TOP3A: variants seen among roughly 807,000 people sequenced by gnomAD.
The protein encoded by TOP3A is DNA topoisomerase 3-alpha.
Under a neutral mutation model 111.3 loss-of-function variants are expected in TOP3A, and 64 were observed. The ratio of observed to expected loss-of-function variants is 0.57; its 90% confidence interval spans 0.47 to 0.71. The LOEUF (loss-of-function observed/expected upper bound fraction) is 0.71. TOP3A is among the 30% of genes least tolerant of loss of function. The probability of loss-of-function intolerance (pLI) is 0.00; values close to 1 mark genes in which losing one functional copy is unlikely to be tolerated. For missense variants in TOP3A, 1,104 were observed against 1,285.0 expected (o/e 0.86, Z 2.15); for synonymous variants, 484 against 485.1 (o/e 1.00, Z 0.03).
intron 4 of TOP3A, among the ~76,000 whole-genome samples, chr17:18,305,629 G>C (rs954242964): frequency 1.3e-5 from 2 of 152,012 alleles, no homozygotes; most frequent in Non-Finnish European, 1.5e-5. Flanking sequence ...ACGAGGTCAG[G>C]AGATCGAGAC....
chr17:18,271,700 C>T lies in TOP3A; in HGVS notation c.*3102G>A, dbSNP rs1408198937. The T allele has an allele frequency of 5.2e-6, 2 of 385,866 alleles. No individual in the cohort carries two copies. Among genetic ancestry groups the T allele is most frequent in the Non-Finnish European group, 1.0e-5 (2 of 197,386 alleles). The allele number at this position is 385,866 out of a possible 1,614,324, so 23.9% of individuals were successfully genotyped here. On this transcript the variant is annotated 3_prime_UTR_variant, in exon 19 of 19. Transcript: ENST00000321105. Reference sequence around the variant, plus strand: ...TGCAGAGATGTGAAAACCACAAAGGCATCTGATATCCAGAAACTATTAAGA... The same window carrying T: ...TGCAGAGATGTGAAAACCACAAAGGTATCTGATATCCAGAAACTATTAAGA...
chr17:18,292,377 G>T (rs571840112), intron 11 of TOP3A, among the ~76,000 whole-genome samples: 154 of 152,320 alleles, frequency 1.0e-3, no homozygotes, highest in Admixed American at 5.0e-3. Flanking sequence ...GGAGGTGGGG[G>T]TCTGCACAGG....
intron 16 of TOP3A, among the ~76,000 whole-genome samples, chr17:18,281,134 C>T (rs1203151707): frequency 1.3e-5 from 2 of 152,202 alleles, no homozygotes; most frequent in Non-Finnish European, 2.9e-5. Context: ...CACCCACTGC[C>T]CATCCATCCC....
rs4925158 is a variant in TOP3A at position 18,280,760 on chromosome 17, T to C, written c.2022-102A>G. 2.5e-3 allele frequency: 3,399 copies of C among 1,350,218 alleles called. 16 individuals carry two copies. The highest frequency in any genetic ancestry group is 4.6e-3 in the Middle Eastern group (25 of 5,478). The allele number at this position is 1,350,218 out of a possible 1,614,324, so 83.6% of individuals were successfully genotyped here. A position where few individuals can be genotyped will look rare whatever the true frequency, so the allele number is the denominator to read the frequency against. ...TTTCCTCAGCTGCCCGAGGACAACATTCCCTTTTCTGGATGACACTTAACT... is the reference window on the plus strand; with the variant it reads ...TTTCCTCAGCTGCCCGAGGACAACACTCCCTTTTCTGGATGACACTTAACT... On this transcript the variant is annotated intron_variant, in intron 16 of 18. Coordinates refer to ENST00000321105, the MANE Select transcript of TOP3A (RefSeq NM_004618.5).
rs551400943 is a variant in TOP3A, at chr17:18,297,722, G to A, written c.990+1837C>T. ...TTGCAGACGGAGTCTCGTTCACTCC[G>A]TGCTCAATGGTGCCCAGGCTGGAGT... On this transcript the variant is annotated intron_variant, in intron 9 of 18. Transcript: ENST00000321105. Among the ~76,000 whole-genome samples, 418 of 152,162 alleles carry A rather than the reference G, an allele frequency of 2.7e-3. 5 individuals carry two copies. Among genetic ancestry groups the A allele is most frequent in the African/African-American group, 9.4e-3 (388 of 41,482 alleles).
chr17:18,281,162 C>T (rs1366971437), intron 16 of TOP3A, among the ~76,000 whole-genome samples: 1 of 152,202 alleles, frequency 6.6e-6, no homozygotes, highest in Non-Finnish European at 1.5e-5. Flanking sequence ...TCTCTCCTGG[C>T]CAATGTTTTT....
chr17:18,296,851 AG>A (rs1410390760), intron 9 of TOP3A, among the ~76,000 whole-genome samples: 9 of 152,224 alleles, frequency 5.9e-5, no homozygotes, highest in Non-Finnish European at 1.2e-4. Flanking sequence ...ATGTTCTGTC[AG>A]GGTGGCTCTT....
intron 11 of TOP3A, among the ~76,000 whole-genome samples, chr17:18,291,441 CAA>C: frequency 6.6e-6 from 1 of 152,306 alleles, no homozygotes; most frequent in African/African-American, 2.4e-5. Context: ...ATTAGGTAAT[CAA>C]TGATTTAGTG....
intron 17 of TOP3A, 136 bp downstream of exon 17, chr17:18,280,400 G>C: frequency 1.0e-6 from 1 of 976,502 alleles, no homozygotes; most frequent in Middle Eastern, 3.4e-4. Flanking sequence ...TGCTGAACTG[G>C]CTGCTGCAGA....
intron 1 of TOP3A, among the ~76,000 whole-genome samples, chr17:18,309,631 G>A (rs532788197): frequency 6.6e-6 from 1 of 151,574 alleles, no homozygotes; most frequent in Non-Finnish European, 1.5e-5. Context: ...GTGACAGAGC[G>A]AGACTGTCTC....
At chr17:18,287,269 CAGG>C (rs1238763067) in intron 13 of TOP3A, among the ~76,000 whole-genome samples, 1 of 151,590 alleles carries the variant, frequency 6.6e-6, no homozygotes, top group Non-Finnish European at 1.5e-5. Flanking sequence ...CATGGTGGCT[CAGG>C]CCTATAATCC....
In TOP3A at chr17:18,272,350, C is replaced by T. The variant is rs1979047030; in HGVS notation, c.*2452G>A. 1.3e-5 allele frequency among the ~76,000 whole-genome samples: 2 copies of T among 152,290 alleles called. No individual in the cohort carries two copies. Among genetic ancestry groups the T allele is most frequent in the South Asian group, 4.1e-4 (2 of 4,830 alleles). On this transcript the variant is annotated 3_prime_UTR_variant, in exon 19 of 19. Transcript: ENST00000321105. ...GCTGGTGGGTGTAAAGTGGTGCATC[C>T]ACTGTGGAAAATTTGTAGGTTCCTC...
intron 4 of TOP3A, among the ~76,000 whole-genome samples, chr17:18,305,556 C>T (rs1048933603): frequency 3.3e-5 from 5 of 152,152 alleles, no homozygotes; most frequent in East Asian, 1.9e-4. Context: ...AAAACGAAGC[C>T]GGCTGGGCGT....
At chr17:18,301,860 T>C in intron 8 of TOP3A, 25 bp downstream of exon 8, 1 of 1,596,242 alleles carries the variant, frequency 6.3e-7, no homozygotes, top group Non-Finnish European at 8.6e-7. Context: ...TGCAGAATGT[T>C]TCCTAGATCA....
intron 13 of TOP3A, among the ~76,000 whole-genome samples, chr17:18,288,151 ATTTTTTT>A (rs1295233051): frequency 3.9e-5 from 5 of 126,622 alleles, no homozygotes; most frequent in Non-Finnish European, 8.5e-5. Flanking sequence ...ATATATATAA[ATTTTTTT>A]TTTTTTTTTT....
Position 18,290,581 on chromosome 17 carries a change from C to A in TOP3A, c.1573G>T (p.Ala525Ser), listed in dbSNP as rs1315605293. The A allele has an allele frequency of 6.2e-7, 1 of 1,603,504 alleles. No individual in the cohort carries two copies. Among genetic ancestry groups the A allele is most frequent in the South Asian group, 1.1e-5 (1 of 89,576 alleles). ...PKLLTEADLI[A>S]LMEKHGIGTD... is the part of the protein sequence containing the mutation. ...CCAATGCCATGCTTCTCCATGAGGG[C>A]AATGAGGTCGGCCTCGGTGAGCAGC... The change falls in exon 13 of 19, where the codon GCC becomes TCC. Residue 525 changes from alanine to serine, a missense_variant. Physicochemically the swap from Ala to Ser is moderately conservative, Grantham distance 99. Transcript: ENST00000321105.
intron 6 of TOP3A, 24 bp from the exon 7 acceptor site, chr17:18,302,458 G>A: frequency 6.6e-7 from 1 of 1,509,822 alleles, no homozygotes; most frequent in Non-Finnish European, 9.1e-7. Context: ...GAGAGTGAAG[G>A]AAGGTGAAAA....
intron 13 of TOP3A, among the ~76,000 whole-genome samples, chr17:18,286,980 C>T (rs1354541012): frequency 6.6e-6 from 1 of 152,134 alleles, no homozygotes; most frequent in African/African-American, 2.4e-5. Context: ...GAAAGTGTTT[C>T]ACCATGTTGG....
At chr17:18,281,195 G>A (rs1002290363) in intron 16 of TOP3A, among the ~76,000 whole-genome samples, 3 of 152,136 alleles carry the variant, frequency 2.0e-5, no homozygotes, top group Non-Finnish European at 4.4e-5. Flanking sequence ...GTCATGAAAC[G>A]TTAGGGTTTG....
Sources: gnomAD v4.1 joint callset for allele counts (sites outside exome capture counted in the v4.1 genomes callset) on GRCh38, gnomAD v4.1.1 for gene constraint, MANE v1.5 for transcripts, NCBI Gene and HGNC (gene_info 2026-07-23, HGNC 2026-07-21) for gene names.